ADCY1: variants seen among roughly 807,000 people sequenced by gnomAD.
ADCY1 encodes adenylate cyclase type 1.
In ADCY1, 28 loss-of-function variants were observed where a neutral mutation model predicts 105.4. That is an observed-to-expected ratio of 0.27 (90% confidence interval 0.20 to 0.36). The LOEUF is 0.36. Ranked by LOEUF, ADCY1 falls within the 10% of genes least tolerant of loss-of-function variation. ADCY1 has a pLI of 1.00. For synonymous variants in ADCY1, 655 were observed against 623.8 expected, an observed-to-expected ratio of 1.05 and a Z score of -0.75; for missense variants, 977 against 1,434.2, an observed-to-expected ratio of 0.68 and a Z score of 5.15.
intron 8 of ADCY1, among the ~76,000 whole-genome samples, chr7:45,666,281 C>T (rs141568635): frequency 0.14 from 21,171 of 152,090 alleles, 1,577 homozygotes; most frequent in Middle Eastern, 0.18. Flanking sequence ...GCTATCCCTC[C>T]CCACTCCCCC....
intron 5 of ADCY1, among the ~76,000 whole-genome samples, chr7:45,650,258 A>T (rs1162848437): frequency 2.6e-5 from 4 of 152,134 alleles, no homozygotes; most frequent in Admixed American, 2.0e-4. Flanking sequence ...ATCACATATT[A>T]TATATCACAC....
rs559292696 is a variant in ADCY1, at chr7:45,674,530, C to T, written c.1606-3339C>T. Among the ~76,000 whole-genome samples the T allele has an allele frequency of 3.9e-4, 59 of 152,222 alleles. 1 individual carries two copies. The highest frequency in any genetic ancestry group is 1.3e-3 in the African/African-American group (56 of 41,544). The stretch of plus-strand genomic sequence containing the variant: ...CTGGGATTACAGGCACCCGCCACCA[C>T]GCCCTGCTAATTTTTGTATTTTTAG... On this transcript the variant is annotated intron_variant, in intron 8 of 19. Transcript: ENST00000297323.
intron 8 of ADCY1, among the ~76,000 whole-genome samples, chr7:45,676,062 A>G (rs1186076040): frequency 6.7e-6 from 1 of 149,490 alleles, no homozygotes; most frequent in African/African-American, 2.5e-5. Context: ...TTTTTTTTTA[A>G]GTCTGTTTTC....
chr7:45,579,646 T>C (rs948635416), intron 1 of ADCY1, among the ~76,000 whole-genome samples: 1 of 151,958 alleles, frequency 6.6e-6, no homozygotes, highest in Non-Finnish European at 1.5e-5. Flanking sequence ...GGGTAAGAGG[T>C]GGGGTGCTCC....
chr7:45,704,624 C>T lies in ADCY1; in HGVS notation c.2817+8C>T. ...CCCACCTCGGGGACCAAGGTGAGTGCAGCCTGGCGCTGCCTGCTTGGGGAC... is the reference window on the plus strand; with the variant it reads ...CCCACCTCGGGGACCAAGGTGAGTGTAGCCTGGCGCTGCCTGCTTGGGGAC... On this transcript the variant is annotated splice_region_variant and intron_variant, in intron 17 of 19. Transcript: ENST00000297323. 1 of 1,611,874 alleles carries T rather than the reference C, an allele frequency of 6.2e-7. No homozygotes were observed. The highest frequency in any genetic ancestry group is 8.5e-7 in the Non-Finnish European group (1 of 1,178,322).
chr7:45,659,719 A>G (rs1251430700), intron 6 of ADCY1, among the ~76,000 whole-genome samples: 1 of 151,530 alleles, frequency 6.6e-6, no homozygotes, highest in Non-Finnish European at 1.5e-5. Flanking sequence ...ATCACTGCCC[A>G]TTTTTTCCTC....
chr7:45,675,787 AT>A (rs1317227490), intron 8 of ADCY1, among the ~76,000 whole-genome samples: 1 of 151,736 alleles, frequency 6.6e-6, no homozygotes, highest in Admixed American at 6.6e-5. Flanking sequence ...GCTTTCAAGA[AT>A]TTTCCTTTGT....
chr7:45,597,968 C>G lies in ADCY1; in HGVS notation c.789+5060C>G, dbSNP rs752582422. ...AAAATGACCCCTCCTCTCAACACAG[C>G]AAAACAAAGAAACAGAACAAAGGGT... is the stretch of plus-strand genomic sequence containing the variant. On this transcript the variant is annotated intron_variant, in intron 2 of 19. Coordinates refer to ENST00000297323, the MANE Select transcript of ADCY1 (RefSeq NM_021116.4). Among the ~76,000 whole-genome samples the G allele has an allele frequency of 7.2e-5, 11 of 152,292 alleles. No individual in the cohort carries two copies. The South Asian group carries it at 1.9e-3, about 26-fold the overall frequency.
chr7:45,618,849 A>G (rs1035819705), intron 3 of ADCY1, among the ~76,000 whole-genome samples: 1 of 152,232 alleles, frequency 6.6e-6, no homozygotes, highest in Non-Finnish European at 1.5e-5. Context: ...TGATCCAGCA[A>G]TCCCAGTACT....
intron 7 of ADCY1, among the ~76,000 whole-genome samples, chr7:45,661,447 T>C (rs1170002822): frequency 6.6e-6 from 1 of 151,984 alleles, no homozygotes; most frequent in Non-Finnish European, 1.5e-5. Context: ...AACTTTGGAC[T>C]CACTCAGAAG....
At chr7:45,684,546 A>C (rs1383945888) in intron 11 of ADCY1, 1 of 153,314 alleles carries the variant, frequency 6.5e-6, no homozygotes, top group African/African-American at 2.4e-5. Context: ...ATTTAAAATA[A>C]AATTTCTAAT....
intron 2 of ADCY1, among the ~76,000 whole-genome samples, chr7:45,597,039 G>A (rs1367506380): frequency 6.6e-6 from 1 of 152,180 alleles, no homozygotes; most frequent in Non-Finnish European, 1.5e-5. Context: ...TCACAAAATA[G>A]GAGTTTGGCT....
intron 19 of ADCY1, among the ~76,000 whole-genome samples, chr7:45,711,970 C>T (rs1237053527): frequency 7.8e-5 from 8 of 102,392 alleles, no homozygotes; most frequent in Admixed American, 4.0e-4. Flanking sequence ...TATATAAATA[C>T]ATATTATATT....
rs1286299243 is a variant in ADCY1, at chr7:45,591,724, G to T, written c.640-1035G>T. 6.6e-6 allele frequency among the ~76,000 whole-genome samples: 1 copy of T among 152,238 alleles called. No homozygotes were observed. Among genetic ancestry groups the T allele is most frequent in the Non-Finnish European group, 1.5e-5 (1 of 68,048 alleles). ...GAGTTGCCTGTGTCCAGACCCAGTG[G>T]TCTGCAAGACGTAGAGACAGATCAG... is the stretch of plus-strand genomic sequence containing the variant. On this transcript the variant is annotated intron_variant, in intron 1 of 19. Coordinates refer to ENST00000297323, the MANE Select transcript of ADCY1 (RefSeq NM_021116.4). The surrounding 1 kb of genome is among the most constrained non-coding windows in gnomAD (Gnocchi z 4.1).
At chr7:45,640,621 G>A (rs1794505628) in intron 4 of ADCY1, among the ~76,000 whole-genome samples, 1 of 152,200 alleles carries the variant, frequency 6.6e-6, no homozygotes, top group Non-Finnish European at 1.5e-5. Context: ...AAGATTGGCA[G>A]TCAGAGTTCA....
chr7:45,625,410 G>T (rs932892900), intron 4 of ADCY1, among the ~76,000 whole-genome samples: 1 of 152,338 alleles, frequency 6.6e-6, no homozygotes, highest in East Asian at 1.9e-4. Context: ...GGGTCAAGTG[G>T]AGTGAGAGAT....
At chr7:45,632,918 T>C (rs1794298304) in intron 4 of ADCY1, among the ~76,000 whole-genome samples, 1 of 152,086 alleles carries the variant, frequency 6.6e-6, no homozygotes, top group Non-Finnish European at 1.5e-5. Context: ...CCTAAGTAGC[T>C]CCTAGCTGTT....
At position 45,721,044 on chromosome 7, in the gene ADCY1, TAACAGC is replaced by T; in HGVS notation, c.*7054_*7059del. 6.6e-6 allele frequency: 1 copy of T among 152,380 alleles called. No homozygotes were observed. The highest frequency in any genetic ancestry group is 1.9e-4 in the East Asian group (1 of 5,180). The allele number at this position is 152,380 out of a possible 1,614,324, so 9.4% of individuals were successfully genotyped here. On this transcript the variant is annotated 3_prime_UTR_variant, in exon 20 of 20. Coordinates refer to ENST00000297323, the MANE Select transcript of ADCY1 (RefSeq NM_021116.4). ...TCCATTATGTTTAGTGCCTCTTTGCTAACAGCAACATCTGCAAGATTTGTGTTGGTT... is the reference window on the plus strand; with the variant it reads ...TCCATTATGTTTAGTGCCTCTTTGCTAACATCTGCAAGATTTGTGTTGGTT...
At chr7:45,664,654 T>C (rs966804936) in intron 8 of ADCY1, 3 of 516,126 alleles carry the variant, frequency 5.8e-6, no homozygotes, top group Non-Finnish European at 8.9e-6. Context: ...ATTTTTTTAA[T>C]AAACTTGACT....
Sources: gnomAD v4.1 joint callset for allele counts (sites outside exome capture counted in the v4.1 genomes callset) on GRCh38, gnomAD v4.1.1 for gene constraint, Gnocchi (gnomAD v3.1) non-coding constraint, MANE v1.5 for transcripts, NCBI Gene and HGNC (gene_info 2026-07-23, HGNC 2026-07-21) for gene names.